The following SIK2 variants were observed in gnomAD, a reference collection of about 807,000 sequenced individuals.
SIK2 encodes salt inducible kinase 2.
In SIK2, 29 loss-of-function variants were observed where a neutral mutation model predicts 103.2. The observed-to-expected ratio is 0.28, with a 90% CI of 0.21 to 0.38. The LOEUF (loss-of-function observed/expected upper bound fraction) is 0.38. Among genes scored for constraint, SIK2 ranks in the 10% least tolerant of loss-of-function variants. The pLI is 1.00. For missense variants in SIK2, 879 were observed against 1,171.0 expected, an observed-to-expected ratio of 0.75 and a Z score of 3.64; for synonymous variants, 412 against 446.1, an observed-to-expected ratio of 0.92 and a Z score of 0.96.
Position 111,720,703 on chromosome 11 carries a change from A to G in SIK2, c.1721A>G (p.Asn574Ser). The change falls in exon 11 of 15, where the codon AAC becomes AGC. Residue 574 changes from asparagine (N) to serine (S), a missense_variant. Asn to Ser is a conservative substitution (Grantham distance 46, BLOSUM62 1). Around this residue, in one of 7 missense-constraint regions of SIK2, gnomAD observed 8 missense variants for 31.8 expected, o/e 0.25. Coordinates refer to ENST00000304987, the MANE Select transcript of SIK2 (RefSeq NM_015191.3). ...AGCTCCCAGAAACGAGAGGTCCACAACAGGTCTCCAGTGAGCTTCAGAGAG... is the reference window on the plus strand; with the variant it reads ...AGCTCCCAGAAACGAGAGGTCCACAGCAGGTCTCCAGTGAGCTTCAGAGAG... ...ALSSQKREVH[N>S]RSPVSFREGR... 4 of 1,613,400 alleles carry G rather than the reference A, an allele frequency of 2.5e-6. No homozygotes were observed. Among genetic ancestry groups the G allele is most frequent in the Non-Finnish European group, 3.4e-6 (4 of 1,179,664 alleles).
intron 3 of SIK2, among the ~76,000 whole-genome samples, chr11:111,676,500 C>A (rs532936844): frequency 1.4e-4 from 21 of 152,264 alleles, no homozygotes; most frequent in African/African-American, 5.1e-4. Context: ...ATTTGCATTT[C>A]TCTAAGGATT....
At chr11:111,661,061 A>G (rs1380851839) in intron 3 of SIK2, among the ~76,000 whole-genome samples, 1 of 151,984 alleles carries the variant, frequency 6.6e-6, no homozygotes, top group East Asian at 1.9e-4. Context: ...TTTGCATGGT[A>G]TCTTGCTGAG....
At chr11:111,639,156 C>A (rs1170658626) in intron 3 of SIK2, among the ~76,000 whole-genome samples, 1 of 152,204 alleles carries the variant, frequency 6.6e-6, no homozygotes, top group Non-Finnish European at 1.5e-5. Context: ...CCTATATGAG[C>A]TCTGGGAACC....
At position 111,725,189 on chromosome 11, in the gene SIK2, TTTAA is replaced by T. The variant is rs766540679; in HGVS notation, c.*1063_*1066del. 1.2e-4 allele frequency: 18 copies of T among 152,784 alleles called. No individual in the cohort carries two copies. The highest frequency in any genetic ancestry group is 2.2e-4 in the African/African-American group (9 of 41,590). The allele number at this position is 152,784 out of a possible 1,614,324, so 9.5% of individuals were successfully genotyped here. A position where few individuals can be genotyped will look rare whatever the true frequency, so the allele number is the denominator to read the frequency against. On this transcript the variant is annotated 3_prime_UTR_variant, in exon 15 of 15. Transcript: ENST00000304987. ...GCGGTGCCTTTCCCCCAGATCATGC[TTTAA>T]TTCTTTCTTTTCTGTAGAAACCAAC...
intron 3 of SIK2, among the ~76,000 whole-genome samples, chr11:111,646,173 G>T (rs931532436): frequency 6.6e-6 from 1 of 152,138 alleles, no homozygotes; most frequent in African/African-American, 2.4e-5. Flanking sequence ...AGCTTGGCCG[G>T]GCATGGTGGC....
rs187661120 is a variant in SIK2, at chr11:111,662,599, C to T, written c.317-25402C>T. Among the ~76,000 whole-genome samples the T allele has an allele frequency of 5.3e-5, 8 of 151,616 alleles. No individual in the cohort carries two copies. The East Asian group carries it at 1.4e-3, about 26-fold the overall frequency. ...TGTCATCTCTACAAAAAATTAGGCC[C>T]AGCACAGTGGCTCACGCCTGTAATC... On this transcript the variant is annotated intron_variant, in intron 3 of 14. Transcript: ENST00000304987.
At chr11:111,637,087 G>A (rs887924869) in intron 3 of SIK2, among the ~76,000 whole-genome samples, 5 of 151,806 alleles carry the variant, frequency 3.3e-5, no homozygotes. Flanking sequence ...CAGATATTAG[G>A]CTTTCTGAAC....
chr11:111,684,880 T>C (rs1286723757), intron 3 of SIK2, among the ~76,000 whole-genome samples: 1 of 152,240 alleles, frequency 6.6e-6, no homozygotes, highest in Non-Finnish European at 1.5e-5. Flanking sequence ...CATCTCAGTT[T>C]CTGATGCCAA....
chr11:111,695,985 TAGC>T (rs1477291352), intron 4 of SIK2, among the ~76,000 whole-genome samples: 1 of 152,180 alleles, frequency 6.6e-6, no homozygotes, highest in African/African-American at 2.4e-5. Context: ...CAGAAAACAA[TAGC>T]AGCTCTAGGG....
At chr11:111,636,876 TTG>T (rs1281073973) in intron 3 of SIK2, among the ~76,000 whole-genome samples, 3 of 152,214 alleles carry the variant, frequency 2.0e-5, no homozygotes, top group African/African-American at 7.2e-5. Context: ...TGATCCTTTG[TTG>T]TGAGTTACTG....
chr11:111,620,367 T>A lies in SIK2; in HGVS notation c.281T>A (p.Leu94His). 1 of 1,595,550 alleles carries A rather than the reference T, an allele frequency of 6.3e-7. No homozygotes were observed. The highest frequency in any genetic ancestry group is 8.5e-7 in the Non-Finnish European group (1 of 1,172,554). ...QVMETKSMLYLVTEYAKNGEI... is the reference protein window; with the variant it reads ...QVMETKSMLYHVTEYAKNGEI... ...ATGGAGACCAAAAGTATGTTGTACC[T>A]TGTGACAGAATATGCCAAAAATGGA... is the stretch of plus-strand genomic sequence containing the variant. Residue 94 changes from leucine (L) to histidine (H), a missense_variant, in exon 3 of 15, where the codon CTT becomes CAT. Physicochemically the swap from Leu to His is moderately conservative, Grantham distance 99. This residue lies in a region of SIK2 where 126 missense variants were observed against 245.5 expected (regional missense o/e 0.51). Coordinates refer to ENST00000304987, the MANE Select transcript of SIK2 (RefSeq NM_015191.3).
rs1285262665 is a variant in SIK2, at chr11:111,722,306, T to C, written c.2056-359T>C. ...TTTCTATGTTGGTGCATAAAAATCT[T>C]AAAAAGCGATAAAGCATAGATCCCG... On this transcript the variant is annotated intron_variant, in intron 13 of 14. Transcript: ENST00000304987. This position sits in a 1 kb window ranked among gnomAD's most constrained non-coding sequence, Gnocchi z 4.4. 6.6e-6 allele frequency among the ~76,000 whole-genome samples: 1 copy of C among 152,238 alleles called. No homozygotes were observed. The highest frequency in any genetic ancestry group is 1.5e-5 in the Non-Finnish European group (1 of 68,036).
chr11:111,616,329 A>G lies in SIK2; in HGVS notation c.222A>G (p.Leu74=). Residue 74 remains leucine, a synonymous_variant, in exon 2 of 15, where the codon TTA becomes TTG. Transcript: ENST00000304987. The part of the protein sequence containing the change: ...IYREVQIMKM[L]DHPHIIKLYQ... ...GAGAAGTACAAATAATGAAAATGTT[A>G]GACCACCCTCACATAATCAAACTTT... 1 of 1,611,992 alleles carries G rather than the reference A, an allele frequency of 6.2e-7. No individual in the cohort carries two copies. Among genetic ancestry groups the G allele is most frequent in the Non-Finnish European group, 8.5e-7 (1 of 1,178,214 alleles).
intron 3 of SIK2, among the ~76,000 whole-genome samples, chr11:111,662,626 C>T (rs1267050375): frequency 6.6e-6 from 1 of 152,072 alleles, no homozygotes; most frequent in Non-Finnish European, 1.5e-5. Context: ...CCTGTAATCC[C>T]AGCACTTTGG....
intron 3 of SIK2, among the ~76,000 whole-genome samples, chr11:111,681,264 C>G (rs1229549225): frequency 6.6e-6 from 1 of 152,142 alleles, no homozygotes; most frequent in African/African-American, 2.4e-5. Context: ...GCATGTGTAT[C>G]TATGTATCAT....
chr11:111,635,984 C>A (rs939119206), intron 3 of SIK2, among the ~76,000 whole-genome samples: 2 of 152,116 alleles, frequency 1.3e-5, no homozygotes, highest in Non-Finnish European at 2.9e-5. Flanking sequence ...TCATTTGTTC[C>A]CTAGTTTTCT....
In SIK2 at chr11:111,722,556, GA is replaced by G; in HGVS notation, c.2056-108del. On this transcript the variant is annotated intron_variant, in intron 13 of 14. Transcript: ENST00000304987. This position sits in a 1 kb window ranked among gnomAD's most constrained non-coding sequence, Gnocchi z 4.4. Reference sequence around the variant, plus strand: ...AATGTCAGTCCCTTCACCCCGTGTGGATTCTGTAGAATGCAGTTAGATTCAT... The same window carrying G: ...AATGTCAGTCCCTTCACCCCGTGTGGTTCTGTAGAATGCAGTTAGATTCAT... 1 of 1,047,752 alleles carries G rather than the reference GA, an allele frequency of 9.5e-7. No individual in the cohort carries two copies. The allele number at this position is 1,047,752 out of a possible 1,614,324, so 64.9% of individuals were successfully genotyped here. A position where few individuals can be genotyped will look rare whatever the true frequency, so the allele number is the denominator to read the frequency against.
intron 3 of SIK2, among the ~76,000 whole-genome samples, chr11:111,687,786 T>C (rs1294613394): frequency 3.3e-5 from 5 of 151,784 alleles, no homozygotes; most frequent in African/African-American, 1.2e-4. Flanking sequence ...TTTGTATTTT[T>C]AGTAGAGACG....
intron 2 of SIK2, among the ~76,000 whole-genome samples, chr11:111,619,533 C>T (rs1256631022): frequency 2.6e-5 from 4 of 151,966 alleles, no homozygotes; most frequent in African/African-American, 9.7e-5. Flanking sequence ...TTGGTAGAGA[C>T]GGGGTTTTGC....
Sources: gnomAD v4.1 joint callset for allele counts (sites outside exome capture counted in the v4.1 genomes callset) on GRCh38, gnomAD v4.1.1 for gene constraint, gnomAD v4.1.1 regional missense constraint, Gnocchi (gnomAD v3.1) non-coding constraint, MANE v1.5 for transcripts, NCBI Gene and HGNC (gene_info 2026-07-23, HGNC 2026-07-21) for gene names.